SLC10A7: variants seen among roughly 807,000 people sequenced by gnomAD.
The protein encoded by SLC10A7 is sodium/bile acid cotransporter 7.
Under a neutral mutation model 43.2 loss-of-function variants are expected in SLC10A7, and 29 were observed. That is an observed-to-expected ratio of 0.67 (90% CI 0.50 to 0.92). The LOEUF (loss-of-function observed/expected upper bound fraction) is 0.92, where lower values mean the gene tolerates loss of function less well. Ranked by LOEUF, SLC10A7 falls within the 40% of genes least tolerant of loss-of-function variation. SLC10A7 has a pLI of 0.00. For synonymous variants in SLC10A7, 152 were observed against 144.8 expected (o/e 1.05, Z -0.35); for missense variants, 295 against 403.2 (o/e 0.73, Z 2.30).
At chr4:146,388,869 C>CA (rs1738209347) in intron 5 of SLC10A7, among the ~76,000 whole-genome samples, 1 of 151,580 alleles carries the variant, frequency 6.6e-6, no homozygotes, top group African/African-American at 2.4e-5. Flanking sequence ...AAAGAAAATG[C>CA]AACAGAAACA....
intron 10 of SLC10A7, among the ~76,000 whole-genome samples, chr4:146,277,543 A>G (rs568062208): frequency 2.0e-5 from 3 of 152,302 alleles, no homozygotes; most frequent in African/African-American, 7.2e-5. Flanking sequence ...GTAAAAATCT[A>G]CTAGGTCCAT....
chr4:146,258,935 A>T, intron 10 of SLC10A7, 98 bp from the exon 11 acceptor site: 1 of 1,322,282 alleles, frequency 7.6e-7, no homozygotes, highest in East Asian at 2.6e-5. Context: ...ATAGGTTATT[A>T]CCATATTTTC....
chr4:146,360,268 A>T (rs570924506), intron 5 of SLC10A7, among the ~76,000 whole-genome samples: 17 of 152,206 alleles, frequency 1.1e-4, no homozygotes, highest in Non-Finnish European at 2.2e-4. Context: ...ACTCCAGTCT[A>T]GCCCTGCTCC....
chr4:146,403,242 T>C (rs1739344926), intron 5 of SLC10A7, among the ~76,000 whole-genome samples: 2 of 152,132 alleles, frequency 1.3e-5, no homozygotes, highest in Non-Finnish European at 2.9e-5. Flanking sequence ...TCTGAAAACG[T>C]CTCAGCCATT....
rs1340939489 is a variant in SLC10A7, at chr4:146,355,283, G to A, written c.436-29287C>T. ...CATTTATGCAGCCAAAAAATACATG[G>A]AAAAATGCTCATCATCACTGGCCAT... On this transcript the variant is annotated intron_variant, in intron 5 of 11. Coordinates refer to ENST00000335472, the MANE Select transcript of SLC10A7 (RefSeq NM_001029998.6). Among the ~76,000 whole-genome samples the A allele has an allele frequency of 8.7e-3, 1,315 of 151,614 alleles. 18 individuals carry two copies. Among genetic ancestry groups the A allele is most frequent in the African/African-American group, 0.03 (1,231 of 40,930 alleles).
intron 2 of SLC10A7, among the ~76,000 whole-genome samples, chr4:146,513,663 C>A (rs1737682700): frequency 6.6e-6 from 1 of 152,254 alleles, no homozygotes; most frequent in African/African-American, 2.4e-5. Flanking sequence ...TCATAAGGGG[C>A]CTCTTAACAA....
intron 5 of SLC10A7, among the ~76,000 whole-genome samples, chr4:146,416,261 C>T (rs188678269): frequency 4.6e-5 from 7 of 152,268 alleles, no homozygotes; most frequent in Admixed American, 2.0e-4. Flanking sequence ...GCATGAGAGC[C>T]ATGCCTAGTA....
chr4:146,346,983 C>T (rs1346846620), intron 5 of SLC10A7, among the ~76,000 whole-genome samples: 1 of 152,060 alleles, frequency 6.6e-6, no homozygotes, highest in African/African-American at 2.4e-5. Flanking sequence ...CTAGTTGCAG[C>T]AAACTAAAAA....
intron 5 of SLC10A7, among the ~76,000 whole-genome samples, chr4:146,366,994 T>A (rs1736435606): frequency 6.6e-6 from 1 of 150,642 alleles, no homozygotes; most frequent in African/African-American, 2.4e-5. Flanking sequence ...ATAAGCAAGT[T>A]TTTTGTTTTT....
At chr4:146,328,266 T>C (rs1195479066) in intron 5 of SLC10A7, among the ~76,000 whole-genome samples, 1 of 152,122 alleles carries the variant, frequency 6.6e-6, no homozygotes, top group Non-Finnish European at 1.5e-5. Flanking sequence ...CGGGCCTCCC[T>C]GTGTGCTACT....
At chr4:146,428,722 A>G (rs1342191475) in intron 5 of SLC10A7, among the ~76,000 whole-genome samples, 2 of 152,110 alleles carry the variant, frequency 1.3e-5, no homozygotes, top group African/African-American at 4.8e-5. Context: ...TCACTTGTCA[A>G]TTTGATTAAA....
intron 4 of SLC10A7, among the ~76,000 whole-genome samples, chr4:146,488,548 GT>G (rs199895433): frequency 0.015 from 2,280 of 152,196 alleles, 29 homozygotes; most frequent in Non-Finnish European, 0.021. Flanking sequence ...TTCTGTTTTT[GT>G]TTTTCATCAA....
chr4:146,518,282 T>A (rs3914629), intron 1 of SLC10A7, among the ~76,000 whole-genome samples: 10 of 152,056 alleles, frequency 6.6e-5, no homozygotes, highest in Admixed American at 3.9e-4. Context: ...AATCTTACCC[T>A]CCATGGACAT....
At chr4:146,515,250 C>G in intron 2 of SLC10A7, 1 of 683,530 alleles carries the variant, frequency 1.5e-6, no homozygotes, top group Non-Finnish European at 2.7e-6. Flanking sequence ...GAGCAACGCC[C>G]CAAGTAAAGG....
At chr4:146,439,508 G>T (rs1730443358) in intron 5 of SLC10A7, among the ~76,000 whole-genome samples, 2 of 151,974 alleles carry the variant, frequency 1.3e-5, no homozygotes, top group South Asian at 4.1e-4. Flanking sequence ...TTGGATCAGG[G>T]TATTTTAGAT....
At chr4:146,256,859 C>T (rs147129678) in intron 11 of SLC10A7, 3 of 1,536,126 alleles carry the variant, frequency 2.0e-6, no homozygotes, top group Non-Finnish European at 2.6e-6. Flanking sequence ...TATTTTAATG[C>T]CCAAATTTGA....
chr4:146,287,925 T>G (rs1243241879), intron 9 of SLC10A7, among the ~76,000 whole-genome samples: 1 of 152,216 alleles, frequency 6.6e-6, no homozygotes, highest in Admixed American at 6.5e-5. Context: ...TCACAGTCTC[T>G]CTGGTCAAGG....
chr4:146,432,164 G>C (rs907291660), intron 5 of SLC10A7, among the ~76,000 whole-genome samples: 1 of 152,172 alleles, frequency 6.6e-6, no homozygotes, highest in Non-Finnish European at 1.5e-5. Flanking sequence ...GGAGTAACTG[G>C]ACTACTTATA....
chr4:146,384,776 G>A (rs1737871424), intron 5 of SLC10A7, among the ~76,000 whole-genome samples: 1 of 152,034 alleles, frequency 6.6e-6, no homozygotes, highest in Admixed American at 6.6e-5. Flanking sequence ...ACTGGGAGGT[G>A]CCTAGGTCAT....
Sources: gnomAD v4.1 joint callset for allele counts (sites outside exome capture counted in the v4.1 genomes callset) on GRCh38, gnomAD v4.1.1 for gene constraint, MANE v1.5 for transcripts, NCBI Gene and HGNC (gene_info 2026-07-23, HGNC 2026-07-21) for gene names.